Variants in GPN1 observed in about 807,000 individuals in gnomAD.
GPN1 encodes the protein GPN-loop GTPase 1, also known as ATP(GTP)-binding protein.
In GPN1, 44 loss-of-function variants were observed where a neutral mutation model predicts 55.9. The ratio of observed to expected loss-of-function variants is 0.79; its 90% CI spans 0.62 to 1.01. The LOEUF is 1.01. Ranked by LOEUF, GPN1 falls within the 50% of genes least tolerant of loss-of-function variation. The pLI is 0.00. For synonymous variants in GPN1, 179 were observed against 162.5 expected (o/e 1.10, Z -0.77); for missense variants, 466 against 462.8 (o/e 1.01, Z -0.06).
intron 2 of GPN1, 123 bp from the exon 3 acceptor site, chr2:27,630,904 T>G: frequency 1.4e-6 from 1 of 694,868 alleles, no homozygotes; most frequent in Non-Finnish European, 2.7e-6. Context: ...AGGAAACCAG[T>G]GTGAAAGTGG....
intron 1 of GPN1, 62 bp downstream of exon 1, chr2:27,629,231 G>T (rs759956241): frequency 2.2e-5 from 35 of 1,564,196 alleles, no homozygotes; most frequent in African/African-American, 7.6e-5. Flanking sequence ...CAGGCGGAAG[G>T]CCAGGAAGAA....
intron 7 of GPN1, among the ~76,000 whole-genome samples, chr2:27,636,101 C>T (rs766221646): frequency 2.6e-5 from 4 of 151,638 alleles, no homozygotes; most frequent in South Asian, 2.1e-4. Flanking sequence ...CTGTAATCCC[C>T]GCTACCTGGG....
At chr2:27,634,379 A>G (rs573552001) in intron 5 of GPN1, among the ~76,000 whole-genome samples, 80 of 152,324 alleles carry the variant, frequency 5.3e-4, no homozygotes, top group African/African-American at 1.8e-3. Flanking sequence ...GGCTTTTAGT[A>G]TATTCACAGA....
At chr2:27,635,297 C>CTTTTTTT in intron 7 of GPN1, 63 bp downstream of exon 7, 1 of 465,008 alleles carries the variant, frequency 2.2e-6, no homozygotes, top group South Asian at 3.1e-5. Flanking sequence ...TCTTCTTCTT[C>CTTTTTTT]CTCTTTTTTT....
intron 2 of GPN1, 77 bp from the exon 3 acceptor site, chr2:27,630,950 G>A: frequency 1.3e-6 from 1 of 745,202 alleles, no homozygotes; most frequent in South Asian, 1.5e-5. Flanking sequence ...GAGAAGGCTA[G>A]AAGGCCAGTT....
At chr2:27,629,547 G>A (rs1474446829) in intron 1 of GPN1, 2 of 763,286 alleles carry the variant, frequency 2.6e-6, no homozygotes, top group Admixed American at 2.3e-5. Flanking sequence ...ATTCACTGGG[G>A]ATATAGCGAA....
At chr2:27,632,952 A>G (rs1190368930) in intron 5 of GPN1, among the ~76,000 whole-genome samples, 1 of 152,110 alleles carries the variant, frequency 6.6e-6, no homozygotes, top group Non-Finnish European at 1.5e-5. Flanking sequence ...CTCTTGGGAA[A>G]CCATGCTTGT....
At chr2:27,628,432 C>T (rs1486760405), upstream of GPN1, 1 of 1,551,500 alleles carries the variant, frequency 6.4e-7, no homozygotes, top group African/African-American at 1.4e-5. Context: ...GTCACGGCAA[C>T]TGTGTAGTTC....
intron 12 of GPN1, among the ~76,000 whole-genome samples, chr2:27,644,878 T>C (rs1458628186): frequency 2.6e-5 from 4 of 151,936 alleles, no homozygotes; most frequent in Non-Finnish European, 5.9e-5. Flanking sequence ...ACGTGTATAA[T>C]GTTCCAGACC....
At position 27,643,263 on chromosome 2, in the gene GPN1, A is replaced by G. The variant is rs113002139; in HGVS notation, c.931+744A>G. On this transcript the variant is annotated intron_variant, in intron 12 of 13. Coordinates refer to ENST00000610189, the MANE Select transcript of GPN1 (RefSeq NM_007266.4). This position sits in a 1 kb window ranked among gnomAD's most constrained non-coding sequence, Gnocchi z 4.0. ...AGAAGTTACATGAATAATACAAATA[A>G]TTGCCATAATTATTCTATCAGATTC... is the stretch of plus-strand genomic sequence containing the variant. Among the ~76,000 whole-genome samples, 15 of 151,492 alleles carry G rather than the reference A, an allele frequency of 9.9e-5. No individual in the cohort carries two copies. Among genetic ancestry groups the G allele is most frequent in the African/African-American group, 3.6e-4 (15 of 41,388 alleles).
rs375703873 is a variant in GPN1, at chr2:27,629,273, G to T, written c.111+104G>T. 1.1e-5 allele frequency: 17 copies of T among 1,483,358 alleles called. No homozygotes were observed. In the African/African-American group the frequency reaches 2.0e-4, roughly 17 times the overall value. 91.9% of individuals were successfully genotyped at this position (1,483,358 alleles called of 1,614,324 possible). On this transcript the variant is annotated intron_variant, in intron 1 of 13. Transcript: ENST00000610189. ...GGAAGAGGATTTGGAGGGTACCGGC[G>T]CATGGCTTTCGGGGGCTTCCCATCA...
intron 13 of GPN1, among the ~76,000 whole-genome samples, chr2:27,649,680 A>G (rs1429718415): frequency 6.6e-6 from 1 of 151,816 alleles, no homozygotes; most frequent in African/African-American, 2.4e-5. Flanking sequence ...TAGTCTCTCC[A>G]TGTTGTTGCA....
At chr2:27,634,709 G>C (rs1242360936) in intron 5 of GPN1, 137 bp from the exon 6 acceptor site, 2 of 653,356 alleles carry the variant, frequency 3.1e-6, no homozygotes, top group Non-Finnish European at 5.6e-6. Flanking sequence ...TTTAGGGCCA[G>C]TAGGAGGAAG....
At position 27,642,262 on chromosome 2, in the gene GPN1, A is replaced by C. The variant is rs371296544; in HGVS notation, c.841-167A>C. 8.7e-5 allele frequency: 50 copies of C among 576,284 alleles called. No homozygotes were observed. In the African/African-American group the frequency reaches 8.9e-4, roughly 10 times the overall value. 35.7% of individuals were successfully genotyped at this position (576,284 alleles called of 1,614,324 possible). The stretch of plus-strand genomic sequence containing the variant: ...CCAGTCTAAACTTCTGCAGTAACCC[A>C]GGCCCACGCTACTTAGTGTTTCTGT... On this transcript the variant is annotated intron_variant, in intron 11 of 13. Coordinates refer to ENST00000610189, the MANE Select transcript of GPN1 (RefSeq NM_007266.4).
At chr2:27,633,854 G>T (rs1390157235) in intron 5 of GPN1, among the ~76,000 whole-genome samples, 1 of 151,598 alleles carries the variant, frequency 6.6e-6, no homozygotes, top group Non-Finnish European at 1.5e-5. Flanking sequence ...CGTTTAAAGT[G>T]TATGGTTGTT....
At chr2:27,631,108 T>C (rs1232902944) in intron 3 of GPN1, 42 bp downstream of exon 3, 6 of 1,022,898 alleles carry the variant, frequency 5.9e-6, no homozygotes, top group Non-Finnish European at 9.3e-6. Context: ...CATTCCTGGC[T>C]TCTTGTCTGT....
intron 5 of GPN1, 93 bp from the exon 6 acceptor site, chr2:27,634,753 C>A: frequency 2.5e-6 from 2 of 805,784 alleles, no homozygotes; most frequent in South Asian, 1.4e-5. Context: ...TTACTCCAGT[C>A]TTGGATAACC....
chr2:27,649,960 A>G (rs1373901455), intron 13 of GPN1, among the ~76,000 whole-genome samples, 155 bp from the exon 14 acceptor site: 1 of 152,230 alleles, frequency 6.6e-6, no homozygotes, highest in Non-Finnish European at 1.5e-5. Context: ...GGGCAGCATG[A>G]TAGAGCATGC....
In GPN1 at chr2:27,650,340, A is replaced by T. The variant is rs1674468489; in HGVS notation, c.*140A>T. 1.9e-6 allele frequency: 1 copy of T among 531,356 alleles called. No individual in the cohort carries two copies. The highest frequency in any genetic ancestry group is 3.1e-5 in the East Asian group (1 of 32,254). 32.9% of individuals were successfully genotyped at this position (531,356 alleles called of 1,614,324 possible). A position where few individuals can be genotyped will look rare whatever the true frequency, so the allele number is the denominator to read the frequency against. On this transcript the variant is annotated 3_prime_UTR_variant, in exon 14 of 14. Transcript: ENST00000610189. ...GTAGCAAAGTTTCTCTTATTAGAGA[A>T]ATCTTGTGACTCAGATGAAGTCAGG...
Sources: allele counts gnomAD v4.1 joint callset (sites outside exome capture counted in the v4.1 genomes callset), GRCh38; gene constraint gnomAD v4.1.1; non-coding constraint Gnocchi (gnomAD v3.1); transcripts MANE v1.5; gene names NCBI Gene and HGNC (gene_info 2026-07-23, HGNC 2026-07-21).